Variants in CC2D2A observed in about 807,000 individuals in gnomAD.
CC2D2A encodes the protein coiled-coil and C2 domain-containing protein 2A.
In CC2D2A, 155 loss-of-function variants were observed where a neutral mutation model predicts 212.9. That is an observed-to-expected ratio of 0.73 (90% CI 0.64 to 0.83). The LOEUF is 0.83. CC2D2A is among the 40% of genes least tolerant of loss of function. CC2D2A has a pLI of 0.00. For synonymous variants in CC2D2A, 667 were observed against 686.5 expected (o/e 0.97, Z 0.44); for missense variants, 1,856 against 1,956.2 (o/e 0.95, Z 0.97).
At chr4:15,565,199 C>T (rs1719825303) in intron 24 of CC2D2A, among the ~76,000 whole-genome samples, 1 of 152,194 alleles carries the variant, frequency 6.6e-6, no homozygotes, top group Non-Finnish European at 1.5e-5. Flanking sequence ...TTTTAAAGAA[C>T]ATATAGGTGC....
At chr4:15,475,215 A>C (rs935302356) in intron 1 of CC2D2A, among the ~76,000 whole-genome samples, 1 of 152,250 alleles carries the variant, frequency 6.6e-6, no homozygotes, top group African/African-American at 2.4e-5. Flanking sequence ...CGGAGGTTGC[A>C]GTGAGCCGAG....
chr4:15,530,796 C>T (rs1159819081), intron 13 of CC2D2A, among the ~76,000 whole-genome samples: 1 of 151,864 alleles, frequency 6.6e-6, no homozygotes. Context: ...GGGATCTGAT[C>T]AGCCACCCCC....
At chr4:15,480,442 C>T (rs1199790619) in intron 3 of CC2D2A, among the ~76,000 whole-genome samples, 2 of 152,190 alleles carry the variant, frequency 1.3e-5, no homozygotes, top group African/African-American at 2.4e-5. Context: ...CAGAGCTCTA[C>T]ATATTTTACC....
In CC2D2A at chr4:15,572,733, G is replaced by A. The variant is rs147564904; in HGVS notation, c.3595-1417G>A. 3.9e-5 allele frequency among the ~76,000 whole-genome samples: 6 copies of A among 152,056 alleles called. No individual in the cohort carries two copies. The East Asian group carries it at 9.7e-4, about 24-fold the overall frequency. ...AGTTTATTAGGAGAAGTGACCACACGATCACAAGGTGAAGTCCCACAACAG... is the reference window on the plus strand; with the variant it reads ...AGTTTATTAGGAGAAGTGACCACACAATCACAAGGTGAAGTCCCACAACAG... On this transcript the variant is annotated intron_variant, in intron 28 of 36. Transcript: ENST00000424120.
intron 33 of CC2D2A, among the ~76,000 whole-genome samples, chr4:15,593,133 CT>C: frequency 6.6e-6 from 1 of 152,314 alleles, no homozygotes; most frequent in East Asian, 1.9e-4. Flanking sequence ...GCTTTCATCA[CT>C]TTCTGGCTCA....
chr4:15,579,482 A>C (rs1720559196), intron 29 of CC2D2A, among the ~76,000 whole-genome samples: 1 of 152,132 alleles, frequency 6.6e-6, no homozygotes, highest in Non-Finnish European at 1.5e-5. Flanking sequence ...TTCACTGCTT[A>C]TGGACTTGAA....
chr4:15,532,056 A>C (rs1717876546), intron 13 of CC2D2A, among the ~76,000 whole-genome samples: 1 of 152,234 alleles, frequency 6.6e-6, no homozygotes, highest in Admixed American at 6.5e-5. Context: ...GATGTGAGCC[A>C]GCAAAGGGAA....
At chr4:15,539,285 T>C (rs1181216281) in intron 16 of CC2D2A, among the ~76,000 whole-genome samples, 1 of 152,192 alleles carries the variant, frequency 6.6e-6, no homozygotes, top group African/African-American at 2.4e-5. Flanking sequence ...ATGCATGTTA[T>C]GGTATATCAT....
intron 6 of CC2D2A, among the ~76,000 whole-genome samples, chr4:15,509,041 C>G (rs558397578): frequency 6.6e-6 from 1 of 152,178 alleles, no homozygotes; most frequent in East Asian, 1.9e-4. Flanking sequence ...GATTAGCTTT[C>G]AGAGGCAAAA....
chr4:15,531,901 A>ACGCAG (rs1198799676), intron 13 of CC2D2A, among the ~76,000 whole-genome samples: 1 of 152,152 alleles, frequency 6.6e-6, no homozygotes, highest in Admixed American at 6.5e-5. Flanking sequence ...GGCATAGGAG[A>ACGCAG]CGAACTGACC....
chr4:15,505,266 T>A (rs937807966), intron 6 of CC2D2A, among the ~76,000 whole-genome samples: 3 of 152,250 alleles, frequency 2.0e-5, no homozygotes, highest in Non-Finnish European at 4.4e-5. Flanking sequence ...TTTCACTTTA[T>A]GCTCAGCAGA....
intron 16 of CC2D2A, among the ~76,000 whole-genome samples, chr4:15,538,978 C>T (rs1203979561): frequency 9.2e-5 from 14 of 151,874 alleles, no homozygotes; most frequent in Non-Finnish European, 1.3e-4. Flanking sequence ...GCAGGAGGAT[C>T]GCTTGAGGCC....
chr4:15,567,537 G>T, intron 25 of CC2D2A, 55 bp downstream of exon 25: 1 of 1,476,534 alleles, frequency 6.8e-7, no homozygotes, highest in South Asian at 1.2e-5. Context: ...TTTAAGAAAT[G>T]ACTGTAAACT....
intron 2 of CC2D2A, among the ~76,000 whole-genome samples, chr4:15,477,629 T>G (rs1048299352): frequency 6.6e-6 from 1 of 152,200 alleles, no homozygotes; most frequent in Non-Finnish European, 1.5e-5. Context: ...GTAATCTAAG[T>G]TGGCGAATCC....
intron 4 of CC2D2A, among the ~76,000 whole-genome samples, chr4:15,484,436 T>C (rs1714885649): frequency 6.6e-6 from 1 of 152,166 alleles, no homozygotes; most frequent in East Asian, 1.9e-4. Flanking sequence ...AGCCCAGGAC[T>C]GATATAATCA....
intron 6 of CC2D2A, among the ~76,000 whole-genome samples, chr4:15,505,871 G>A (rs370578557): frequency 6.6e-6 from 1 of 152,154 alleles, no homozygotes; most frequent in African/African-American, 2.4e-5. Flanking sequence ...AAAATTTGAG[G>A]GGTCTACAAG....
At chr4:15,580,278 C>T in intron 30 of CC2D2A, 107 bp downstream of exon 30, 2 of 790,284 alleles carry the variant, frequency 2.5e-6, no homozygotes, top group Non-Finnish European at 2.0e-6. Context: ...TTAACTATAT[C>T]GAGATCATTA....
chr4:15,536,657 T>A (rs2109033599), intron 14 of CC2D2A, among the ~76,000 whole-genome samples: 1 of 152,236 alleles, frequency 6.6e-6, no homozygotes, highest in East Asian at 1.9e-4. Context: ...TGCTCAGTGT[T>A]CAGTGGGTTG....
rs1717948283 is a variant in CC2D2A at position 15,533,275 on chromosome 4, A to T, written c.1549A>T (p.Lys517Ter). The part of the protein sequence containing the change: ...KTIIKVWKEM[K>*]SLREFQRFTN... ...TATCATAAAAGTTTGGAAAGAGATGAAATCCCTTCGAGAGTTCCAGAGATT... is the reference window on the plus strand; with the variant it reads ...TATCATAAAAGTTTGGAAAGAGATGTAATCCCTTCGAGAGTTCCAGAGATT... The change falls in exon 14 of 37, where the codon AAA becomes TAA. Residue 517 changes from lysine to a stop codon, truncating the protein, a stop_gained. Transcript: ENST00000424120. LOFTEE classifies it high-confidence loss of function. 1 of 1,600,208 alleles carries T rather than the reference A, an allele frequency of 6.2e-7. No homozygotes were observed. The highest frequency in any genetic ancestry group is 1.3e-5 in the African/African-American group (1 of 74,532).
Sources: gnomAD v4.1 joint callset for allele counts (sites outside exome capture counted in the v4.1 genomes callset) on GRCh38, gnomAD v4.1.1 for gene constraint, MANE v1.5 for transcripts, NCBI Gene and HGNC (gene_info 2026-07-23, HGNC 2026-07-21) for gene names.